TAFA2: variants seen among roughly 807,000 people sequenced by gnomAD.
The protein encoded by TAFA2 is chemokine-like protein TAFA-2.
Under a neutral mutation model 18.8 loss-of-function variants are expected in TAFA2, and 7 were observed. The ratio of observed to expected loss-of-function variants is 0.37; its 90% CI spans 0.21 to 0.70. The LOEUF (loss-of-function observed/expected upper bound fraction) is 0.70, where lower values mean the gene tolerates loss of function less well. TAFA2 is among the 30% of genes least tolerant of loss of function. The pLI is 0.53. For synonymous variants in TAFA2, 60 were observed against 54.2 expected, an observed-to-expected ratio of 1.11 and a Z score of -0.47; for missense variants, 122 against 158.1, an observed-to-expected ratio of 0.77 and a Z score of 1.23.
chr12:62,113,775 C>A (rs543634126), intron 1 of TAFA2, among the ~76,000 whole-genome samples: 3 of 152,278 alleles, frequency 2.0e-5, no homozygotes, highest in South Asian at 2.1e-4. Context: ...AACTTCCTGG[C>A]GGCTTTGTTT....
chr12:61,868,342 C>A (rs897212182), intron 1 of TAFA2, among the ~76,000 whole-genome samples: 1 of 152,120 alleles, frequency 6.6e-6, no homozygotes, highest in Non-Finnish European at 1.5e-5. Context: ...TTGCATTAAT[C>A]ACTGGGGGAT....
rs2062625198 is a variant in TAFA2 at position 62,191,603 on chromosome 12, A to C, written c.-346T>G. The C allele has an allele frequency of 6.6e-6, 1 of 152,200 alleles. No homozygotes were observed. The allele number at this position is 152,200 out of a possible 1,614,324, so 9.4% of individuals were successfully genotyped here. On this transcript the variant is annotated 5_prime_UTR_variant, in exon 1 of 5. Transcript: ENST00000416284. ...TATTCCACAGTGTCAAAGTAATCAA[A>C]AGATTTGTTTACTGAGGAAAAGCCA... is the stretch of plus-strand genomic sequence containing the variant.
chr12:61,722,923 C>A (rs1223527037), intron 4 of TAFA2, among the ~76,000 whole-genome samples: 1 of 152,090 alleles, frequency 6.6e-6, no homozygotes, highest in Non-Finnish European at 1.5e-5. Context: ...TATCCTATTA[C>A]AGGAAGAAAC....
chr12:62,051,345 T>C (rs1282832379), intron 1 of TAFA2, among the ~76,000 whole-genome samples: 3 of 152,154 alleles, frequency 2.0e-5, no homozygotes, highest in South Asian at 2.1e-4. Context: ...ATGCCAATTT[T>C]ATAGCTAATA....
intron 1 of TAFA2, among the ~76,000 whole-genome samples, chr12:62,206,575 C>G (rs76332013): frequency 2.0e-5 from 3 of 151,942 alleles, no homozygotes; most frequent in African/African-American, 7.3e-5. Context: ...GTCACCCAGG[C>G]GGGATGCAGT....
chr12:61,823,198 G>A lies in TAFA2; in HGVS notation c.106+44122C>T, dbSNP rs1325282290. Reference sequence around the variant, plus strand: ...TTCTGTTTTCTTTTTTTTGAAATAGGGTCTCACTCTGTTGTCCAGGCTGGA... The same window carrying A: ...TTCTGTTTTCTTTTTTTTGAAATAGAGTCTCACTCTGTTGTCCAGGCTGGA... On this transcript the variant is annotated intron_variant, in intron 2 of 4. Transcript: ENST00000416284. Among the ~76,000 whole-genome samples, 5 of 151,144 alleles carry A rather than the reference G, an allele frequency of 3.3e-5. No individual in the cohort carries two copies. The East Asian group carries it at 5.8e-4, about 18-fold the overall frequency.
At chr12:61,997,113 G>A (rs192160512) in intron 1 of TAFA2, among the ~76,000 whole-genome samples, 2 of 151,602 alleles carry the variant, frequency 1.3e-5, no homozygotes, top group African/African-American at 4.8e-5. Flanking sequence ...ATAAAAAAGT[G>A]TATATATGTA....
At chr12:62,235,536 A>C in intron 1 of TAFA2, 1 of 442,410 alleles carries the variant, frequency 2.3e-6, no homozygotes, top group Non-Finnish European at 4.2e-6. Context: ...TGGTGTCTAG[A>C]CTCTCTGCTG....
chr12:61,780,434 C>T (rs1193089321), intron 2 of TAFA2, among the ~76,000 whole-genome samples: 1 of 151,800 alleles, frequency 6.6e-6, no homozygotes, highest in East Asian at 1.9e-4. Context: ...TTTTCTGACT[C>T]TAGGCCACTG....
intron 1 of TAFA2, among the ~76,000 whole-genome samples, chr12:62,151,798 G>C (rs1406023279): frequency 2.0e-5 from 3 of 152,248 alleles, no homozygotes. Flanking sequence ...CATTAGAATA[G>C]ACTCTATTAT....
At chr12:61,823,677 C>A (rs1872414399) in intron 2 of TAFA2, among the ~76,000 whole-genome samples, 2 of 152,256 alleles carry the variant, frequency 1.3e-5, no homozygotes, top group African/African-American at 2.4e-5. Flanking sequence ...GCCCTTGAAA[C>A]AACCAGCAAA....
At chr12:61,920,644 G>T (rs1040835608) in intron 1 of TAFA2, among the ~76,000 whole-genome samples, 1 of 152,062 alleles carries the variant, frequency 6.6e-6, no homozygotes, top group African/African-American at 2.4e-5. Context: ...TCTTGCACAC[G>T]TATGTGTGCT....
chr12:61,975,325 C>A (rs889486977), intron 1 of TAFA2, among the ~76,000 whole-genome samples: 2 of 151,770 alleles, frequency 1.3e-5, no homozygotes, highest in Admixed American at 1.3e-4. Context: ...TTCCACCCAA[C>A]CTCTGGTAAC....
At chr12:61,779,167 G>A (rs1054545423) in intron 2 of TAFA2, among the ~76,000 whole-genome samples, 10 of 151,784 alleles carry the variant, frequency 6.6e-5, no homozygotes, top group African/African-American at 9.7e-5. Flanking sequence ...TTAAAGGAAC[G>A]TTTTTCTTCT....
intron 4 of TAFA2, among the ~76,000 whole-genome samples, chr12:61,732,832 C>A (rs566034174): frequency 7.2e-5 from 11 of 151,870 alleles, no homozygotes; most frequent in Middle Eastern, 3.4e-3. Context: ...GAGAAAATTC[C>A]TGAATGCATG....
At chr12:61,900,256 G>T (rs1459808061) in intron 1 of TAFA2, among the ~76,000 whole-genome samples, 1 of 152,138 alleles carries the variant, frequency 6.6e-6, no homozygotes, top group Non-Finnish European at 1.5e-5. Context: ...GAATGCATGT[G>T]TTTATGTTTA....
intron 2 of TAFA2, among the ~76,000 whole-genome samples, chr12:61,760,995 A>C (rs919033676): frequency 3.3e-5 from 5 of 151,998 alleles, no homozygotes; most frequent in African/African-American, 4.8e-5. Flanking sequence ...ATTCTCATGA[A>C]ACAGGGATAC....
chr12:61,867,387 T>C lies in TAFA2; in HGVS notation c.39A>G (p.Lys13=). 1 of 1,609,062 alleles carries C rather than the reference T, an allele frequency of 6.2e-7. No individual in the cohort carries two copies. Among genetic ancestry groups the C allele is most frequent in the Non-Finnish European group, 8.5e-7 (1 of 1,176,262 alleles). ...TTACAATAAATATTATTATTAGCAG[T>C]TTTCCTTTTGTTGCTTTCTGTAAGT... is the stretch of plus-strand genomic sequence containing the variant. ...KRYLQKATKG[K]LLIIIFIVTL... is the part of the protein sequence containing the mutation. The change falls in exon 2 of 5, where the codon AAA becomes AAG. Residue 13 remains lysine (K), a synonymous_variant. Coordinates refer to ENST00000416284, the MANE Select transcript of TAFA2 (RefSeq NM_178539.5).
intron 1 of TAFA2, among the ~76,000 whole-genome samples, chr12:62,133,312 TG>T (rs1361000254): frequency 6.6e-6 from 1 of 151,986 alleles, no homozygotes; most frequent in East Asian, 1.9e-4. Flanking sequence ...GTAATAAATA[TG>T]GAACCCAGGA....
Sources: gnomAD v4.1 joint callset for allele counts (sites outside exome capture counted in the v4.1 genomes callset) on GRCh38, gnomAD v4.1.1 for gene constraint, MANE v1.5 for transcripts, NCBI Gene and HGNC (gene_info 2026-07-23, HGNC 2026-07-21) for gene names.